Variants in ARMC12 observed in about 807,000 individuals in gnomAD.
ARMC12 encodes the protein armadillo repeat-containing protein 12.
In ARMC12, 25 loss-of-function variants were observed where a neutral mutation model predicts 37.4. The ratio of observed to expected loss-of-function variants is 0.67; its 90% confidence interval spans 0.49 to 0.93. The LOEUF (loss-of-function observed/expected upper bound fraction) is 0.93, where lower values mean the gene tolerates loss of function less well. Among genes scored for constraint, ARMC12 ranks in the 40% least tolerant of loss-of-function variants. The pLI, the probability that ARMC12 is intolerant of heterozygous loss-of-function variation, is 0.00. For missense variants in ARMC12, 384 were observed against 426.6 expected, an observed-to-expected ratio of 0.90 and a Z score of 0.88; for synonymous variants, 167 against 176.1, an observed-to-expected ratio of 0.95 and a Z score of 0.41.
At chr6:35,741,060 G>A (rs1767151700) in intron 3 of ARMC12, among the ~76,000 whole-genome samples, 1 of 152,082 alleles carries the variant, frequency 6.6e-6, no homozygotes, top group East Asian at 1.9e-4. Flanking sequence ...CAGTGAGTAC[G>A]GGAGTACTAT....
rs1767020434 is a variant in ARMC12, at chr6:35,737,878, A to G, written c.164-149A>G. The G allele has an allele frequency of 8.8e-6, 9 of 1,022,372 alleles. No individual in the cohort carries two copies. The Admixed American group carries it at 1.3e-4, about 15-fold the overall frequency. 63.3% of individuals were successfully genotyped at this position (1,022,372 alleles called of 1,614,324 possible). ...CCCTTGTGCAGTAAACATTCGTTCA[A>G]CTGTACATGGTGGTCCTGCATATGG... On this transcript the variant is annotated intron_variant, in intron 1 of 5. Coordinates refer to ENST00000373866, the MANE Select transcript of ARMC12 (RefSeq NM_001286574.2).
chr6:35,742,305 A>G (rs898532660), intron 3 of ARMC12, among the ~76,000 whole-genome samples: 2 of 151,544 alleles, frequency 1.3e-5, no homozygotes, highest in Non-Finnish European at 2.9e-5. Flanking sequence ...AGACCAGCCT[A>G]GCCAACATGG....
chr6:35,734,661 G>A (rs1766911868), upstream of ARMC12, among the ~76,000 whole-genome samples: 3 of 152,066 alleles, frequency 2.0e-5, no homozygotes. Flanking sequence ...AATTAGCCTG[G>A]TGTGGTGGCG....
intron 3 of ARMC12, among the ~76,000 whole-genome samples, chr6:35,746,576 C>T (rs1281846994): frequency 6.6e-6 from 1 of 151,902 alleles, no homozygotes; most frequent in East Asian, 1.9e-4. Flanking sequence ...GAGGCTATTG[C>T]AGAAATCCCG....
At chr6:35,740,801 T>C (rs752192805) in intron 3 of ARMC12, among the ~76,000 whole-genome samples, 3 of 152,186 alleles carry the variant, frequency 2.0e-5, no homozygotes, top group African/African-American at 7.2e-5. Flanking sequence ...TTAAGCTTCA[T>C]GTACATGGAA....
Position 35,743,684 on chromosome 6 carries a change from A to G in ARMC12, c.445-3577A>G, listed in dbSNP as rs186387636. On this transcript the variant is annotated intron_variant, in intron 3 of 5. Coordinates refer to ENST00000373866, the MANE Select transcript of ARMC12 (RefSeq NM_001286574.2). ...ATATTCTAACAGGGCAAGGCAAGCA[A>G]TACACAAATAAGTAAAATATATAGT... Among the ~76,000 whole-genome samples, 323 of 152,216 alleles carry G rather than the reference A, an allele frequency of 2.1e-3. 1 individual carries two copies. The highest frequency in any genetic ancestry group is 6.7e-3 in the African/African-American group (279 of 41,532).
rs1375141682 is a variant in ARMC12 at position 35,738,320 on chromosome 6, T to C, written c.310-64T>C. ...GGTGTGCGGAGGGATCTTGGTGACA[T>C]GGGGGGCAGTGGGCCCAGAACACCC... is the stretch of plus-strand genomic sequence containing the variant. On this transcript the variant is annotated intron_variant, in intron 2 of 5. Coordinates refer to ENST00000373866, the MANE Select transcript of ARMC12 (RefSeq NM_001286574.2). 4 of 1,448,386 alleles carry C rather than the reference T, an allele frequency of 2.8e-6. No individual in the cohort carries two copies. In the South Asian group the frequency reaches 3.6e-5, roughly 13 times the overall value. 89.7% of individuals were successfully genotyped at this position (1,448,386 alleles called of 1,614,324 possible). A position where few individuals can be genotyped will look rare whatever the true frequency, so the allele number is the denominator to read the frequency against.
chr6:35,734,530 C>T (rs138706600), upstream of ARMC12, among the ~76,000 whole-genome samples: 214 of 152,288 alleles, frequency 1.4e-3, no homozygotes, highest in African/African-American at 4.9e-3. Context: ...CAGCCAGGCG[C>T]GGTGGCTCGT....
upstream of ARMC12, among the ~76,000 whole-genome samples, chr6:35,734,868 T>C (rs1472444150): frequency 2.0e-5 from 3 of 152,176 alleles, no homozygotes; most frequent in African/African-American, 7.2e-5. Context: ...ATGGACTTTA[T>C]GCCAACAAAT....
chr6:35,736,846 G>A (rs957259245), upstream of ARMC12: 13 of 508,282 alleles, frequency 2.6e-5, no homozygotes, highest in Non-Finnish European at 4.3e-5. Context: ...CTGACCTCAA[G>A]TGATCTGCCT....
At chr6:35,734,834 A>G (rs1319522893), upstream of ARMC12, among the ~76,000 whole-genome samples, 1 of 152,074 alleles carries the variant, frequency 6.6e-6, no homozygotes, top group Admixed American at 6.6e-5. Context: ...AAAGAAAACA[A>G]TTATTCCCAA....
At chr6:35,737,967 ACCC>A in intron 1 of ARMC12, 57 bp from the exon 2 acceptor site, 1 of 1,602,950 alleles carries the variant, frequency 6.2e-7, no homozygotes, top group East Asian at 2.2e-5. Flanking sequence ...CTACTTCCCA[ACCC>A]CATTCTTTCA....
chr6:35,735,375 T>A (rs1376717224), upstream of ARMC12: 1 of 152,136 alleles, frequency 6.6e-6, no homozygotes, highest in East Asian at 1.9e-4. The surrounding 1 kb of genome is among the most constrained non-coding windows in gnomAD (Gnocchi z 4.0). Context: ...CTAAATAGAG[T>A]GCCAGGAATG....
At chr6:35,742,916 G>A (rs371859819) in intron 3 of ARMC12, among the ~76,000 whole-genome samples, 47 of 152,328 alleles carry the variant, frequency 3.1e-4, no homozygotes, top group East Asian at 1.3e-3. Flanking sequence ...CATAAAGTGC[G>A]TGATTGGCCA....
intron 3 of ARMC12, among the ~76,000 whole-genome samples, chr6:35,745,074 T>G (rs1381609622): frequency 1.3e-5 from 2 of 152,200 alleles, no homozygotes; most frequent in African/African-American, 4.8e-5. Context: ...GCAATTTCTT[T>G]CAGAACTAAA....
intron 3 of ARMC12, among the ~76,000 whole-genome samples, chr6:35,746,265 T>C (rs1767335105): frequency 6.6e-6 from 1 of 151,736 alleles, no homozygotes; most frequent in African/African-American, 2.4e-5. Context: ...GGGGATAGAG[T>C]GTGCTAAGCA....
upstream of ARMC12, chr6:35,734,105 G>A (rs747541394): frequency 9.9e-5 from 15 of 152,236 alleles, no homozygotes; most frequent in East Asian, 3.9e-4. Flanking sequence ...TTAAATTTAC[G>A]CTCCCTAAGG....
At chr6:35,744,793 A>G (rs994354675) in intron 3 of ARMC12, among the ~76,000 whole-genome samples, 2 of 152,192 alleles carry the variant, frequency 1.3e-5, no homozygotes, top group African/African-American at 2.4e-5. Context: ...AAGCAGTCCA[A>G]TTAGGAAATG....
At chr6:35,746,413 G>A (rs1581930347) in intron 3 of ARMC12, among the ~76,000 whole-genome samples, 2 of 152,186 alleles carry the variant, frequency 1.3e-5, no homozygotes, top group African/African-American at 4.8e-5. Flanking sequence ...AATAGGGAGA[G>A]AGGGGCAGAT....
Sources: allele counts gnomAD v4.1 joint callset (sites outside exome capture counted in the v4.1 genomes callset), GRCh38; gene constraint gnomAD v4.1.1; non-coding constraint Gnocchi (gnomAD v3.1); transcripts MANE v1.5; gene names NCBI Gene and HGNC (gene_info 2026-07-23, HGNC 2026-07-21).